HECTD2: variants seen among roughly 807,000 people sequenced by gnomAD.
HECTD2 encodes the protein probable E3 ubiquitin-protein ligase HECTD2.
A neutral mutation model predicts 103.2 loss-of-function variants in HECTD2; 35 were observed. That is an observed-to-expected ratio of 0.34 (90% CI 0.26 to 0.45). The LOEUF (loss-of-function observed/expected upper bound fraction) is 0.45, where lower values mean the gene tolerates loss of function less well. Among genes scored for constraint, HECTD2 ranks in the 20% least tolerant of loss-of-function variants. The probability of loss-of-function intolerance (pLI) is 1.00; values close to 1 mark genes in which losing one functional copy is unlikely to be tolerated. For synonymous variants in HECTD2, 281 were observed against 329.9 expected, an observed-to-expected ratio of 0.85 and a Z score of 1.61; for missense variants, 596 against 937.4, an observed-to-expected ratio of 0.64 and a Z score of 4.76.
intron 7 of HECTD2, 64 bp downstream of exon 7, chr10:91,481,203 GA>G: frequency 1.4e-6 from 1 of 722,532 alleles, no homozygotes. Context: ...ATGTGTATGT[GA>G]AATGATATTA....
intron 2 of HECTD2, among the ~76,000 whole-genome samples, chr10:91,444,832 G>A (rs1844528319): frequency 1.3e-5 from 2 of 152,040 alleles, no homozygotes; most frequent in Admixed American, 6.6e-5. Context: ...AGTGAAAAAA[G>A]CCAAAATATA....
At chr10:91,468,017 C>A (rs1461888619) in intron 5 of HECTD2, among the ~76,000 whole-genome samples, 1 of 152,168 alleles carries the variant, frequency 6.6e-6, no homozygotes, top group Non-Finnish European at 1.5e-5. Context: ...GCCACAAGCC[C>A]ACTCCTACTA....
At chr10:91,493,806 A>G (rs961732256) in intron 14 of HECTD2, among the ~76,000 whole-genome samples, 3 of 152,054 alleles carry the variant, frequency 2.0e-5, no homozygotes, top group Non-Finnish European at 2.9e-5. Flanking sequence ...AAAAAAAATC[A>G]AAGTATTTCC....
chr10:91,496,085 A>G (rs1846652513), intron 14 of HECTD2, 129 bp from the exon 15 acceptor site: 2 of 521,458 alleles, frequency 3.8e-6, no homozygotes, highest in Non-Finnish European at 6.7e-6. Context: ...GGGAAAGGAA[A>G]TATGTGATAC....
At chr10:91,445,846 C>G (rs1844586730) in intron 2 of HECTD2, among the ~76,000 whole-genome samples, 1 of 152,110 alleles carries the variant, frequency 6.6e-6, no homozygotes, top group Admixed American at 6.5e-5. Context: ...GAACGGTGCA[C>G]TCCGGCCCAG....
At chr10:91,412,674 G>GTGTA (rs1433089264) in intron 1 of HECTD2, among the ~76,000 whole-genome samples, 1 of 150,924 alleles carries the variant, frequency 6.6e-6, no homozygotes, top group Non-Finnish European at 1.5e-5. Context: ...CAGAATGTGT[G>GTGTA]TGTGTGTGTG....
At chr10:91,409,366 C>T (rs1415964976), upstream of HECTD2, 1 of 152,190 alleles carries the variant, frequency 6.6e-6, no homozygotes, top group Non-Finnish European at 1.5e-5. Flanking sequence ...CTTCGGCTTT[C>T]AAGTTTTTAC....
chr10:91,494,784 T>A (rs1421339905), intron 14 of HECTD2, among the ~76,000 whole-genome samples: 4 of 152,058 alleles, frequency 2.6e-5, no homozygotes, highest in Non-Finnish European at 5.9e-5. Flanking sequence ...TCATTGATGC[T>A]TGTCACTATA....
chr10:91,452,709 C>T (rs1330251346), intron 2 of HECTD2, among the ~76,000 whole-genome samples: 1 of 151,916 alleles, frequency 6.6e-6, no homozygotes, highest in Non-Finnish European at 1.5e-5. Flanking sequence ...AGGCCTTCAC[C>T]AGATGCAGCA....
intron 2 of HECTD2, among the ~76,000 whole-genome samples, chr10:91,443,523 G>T (rs971081230): frequency 2.0e-5 from 3 of 152,062 alleles, no homozygotes; most frequent in African/African-American, 7.3e-5. Context: ...GTCAACCCCT[G>T]CTGGGAGGTA....
At chr10:91,425,774 A>G (rs1843534697) in intron 2 of HECTD2, among the ~76,000 whole-genome samples, 1 of 151,720 alleles carries the variant, frequency 6.6e-6, no homozygotes, top group African/African-American at 2.4e-5. Flanking sequence ...TATGAAATAC[A>G]TAAAAATAAA....
At chr10:91,426,547 CTTTT>C (rs1240200465) in intron 2 of HECTD2, among the ~76,000 whole-genome samples, 3 of 148,784 alleles carry the variant, frequency 2.0e-5, no homozygotes, top group East Asian at 3.9e-4. Context: ...TAACTTCTTT[CTTTT>C]ATTTGCATAC....
chr10:91,476,758 C>A lies in HECTD2; in HGVS notation c.601-1443C>A, dbSNP rs188122860. Among the ~76,000 whole-genome samples the A allele has an allele frequency of 1.3e-4, 20 of 152,300 alleles. No individual in the cohort carries two copies. In the East Asian group the frequency reaches 3.3e-3, roughly 25 times the overall value. On this transcript the variant is annotated intron_variant, in intron 5 of 20. Transcript: ENST00000298068. ...GGGCAAAGGGCGAGAGGAGTGAGAA[C>A]CGTCTTCTTGAAGTTCTGTGGGCAC...
At chr10:91,427,568 T>C (rs1002368410) in intron 2 of HECTD2, among the ~76,000 whole-genome samples, 5 of 152,194 alleles carry the variant, frequency 3.3e-5, no homozygotes, top group Non-Finnish European at 5.9e-5. Context: ...TGGTATCTCA[T>C]TGTGGTTTTG....
Position 91,493,419 on chromosome 10 carries a change from G to T in HECTD2, c.1433-1G>T. The T allele has an allele frequency of 6.7e-7, 1 of 1,482,470 alleles. No individual in the cohort carries two copies. The highest frequency in any genetic ancestry group is 9.0e-7 in the Non-Finnish European group (1 of 1,110,502). The allele number at this position is 1,482,470 out of a possible 1,614,324, so 91.8% of individuals were successfully genotyped here. On this transcript the variant is annotated splice_acceptor_variant, in intron 13 of 20. Coordinates refer to ENST00000298068, the MANE Select transcript of HECTD2 (RefSeq NM_182765.6). LOFTEE classifies it high-confidence loss of function. ...ATAACATTATTCGTGTGTTTTTTTAGGCATGTTTACATATCACAAGGATTC... is the reference window on the plus strand; with the variant it reads ...ATAACATTATTCGTGTGTTTTTTTATGCATGTTTACATATCACAAGGATTC...
chr10:91,460,669 A>G (rs961021313), intron 3 of HECTD2, 104 bp downstream of exon 3: 1 of 1,148,376 alleles, frequency 8.7e-7, no homozygotes, highest in Middle Eastern at 2.1e-4. Context: ...TCACTATAAG[A>G]TATTAGCCAA....
At chr10:91,413,126 G>A (rs921552195) in intron 1 of HECTD2, among the ~76,000 whole-genome samples, 3 of 151,892 alleles carry the variant, frequency 2.0e-5, no homozygotes, top group Non-Finnish European at 2.9e-5. Context: ...GAAAATCATT[G>A]TACCACATTT....
At chr10:91,493,606 C>T in intron 14 of HECTD2, 98 bp downstream of exon 14, 1 of 618,824 alleles carries the variant, frequency 1.6e-6, no homozygotes, top group Non-Finnish European at 2.7e-6. Context: ...GCCATTTTAT[C>T]CAAATTAAAT....
At chr10:91,443,752 C>T (rs1396575910) in intron 2 of HECTD2, among the ~76,000 whole-genome samples, 3 of 152,108 alleles carry the variant, frequency 2.0e-5, no homozygotes, top group African/African-American at 7.2e-5. Flanking sequence ...TGCTAGTCTG[C>T]ACAAAATACT....
Sources: gnomAD v4.1 joint callset for allele counts (sites outside exome capture counted in the v4.1 genomes callset) on GRCh38, gnomAD v4.1.1 for gene constraint, MANE v1.5 for transcripts, NCBI Gene and HGNC (gene_info 2026-07-23, HGNC 2026-07-21) for gene names.